The following GALNTL6 variants were observed in gnomAD, a reference collection of about 807,000 sequenced individuals.
The protein encoded by GALNTL6 is polypeptide N-acetylgalactosaminyltransferase-like 6.
GALNTL6 carries 46 observed loss-of-function variants against 73.7 expected under a neutral mutation model. The observed-to-expected ratio is 0.62, with a 90% CI of 0.49 to 0.80. The LOEUF (loss-of-function observed/expected upper bound fraction) is 0.80, where lower values mean the gene tolerates loss of function less well. GALNTL6 is among the 30% of genes least tolerant of loss of function. The pLI, the probability that GALNTL6 is intolerant of heterozygous loss-of-function variation, is 0.00. For missense variants in GALNTL6, 604 were observed against 755.0 expected (o/e 0.80, Z 2.34); for synonymous variants, 259 against 263.7 (o/e 0.98, Z 0.17).
At chr4:172,848,069 A>T (rs910036580) in intron 7 of GALNTL6, among the ~76,000 whole-genome samples, 2 of 152,032 alleles carry the variant, frequency 1.3e-5, no homozygotes, top group Admixed American at 6.6e-5. Flanking sequence ...TTAGTCCAAA[A>T]TTTTTTTTGA....
At chr4:172,798,470 A>G (rs1453656347) in intron 5 of GALNTL6, among the ~76,000 whole-genome samples, 2 of 152,116 alleles carry the variant, frequency 1.3e-5, no homozygotes, top group African/African-American at 4.8e-5. Context: ...TGGCCACGTG[A>G]TGTGTGTGCA....
At chr4:172,128,136 AC>A (rs1367275560) in intron 2 of GALNTL6, among the ~76,000 whole-genome samples, 3 of 152,142 alleles carry the variant, frequency 2.0e-5, no homozygotes, top group African/African-American at 7.2e-5. Flanking sequence ...TAAACAGTAA[AC>A]TCAGGCAAAA....
intron 5 of GALNTL6, among the ~76,000 whole-genome samples, chr4:172,391,846 C>T (rs2111304000): frequency 6.6e-6 from 1 of 152,240 alleles, no homozygotes; most frequent in Non-Finnish European, 1.5e-5. Flanking sequence ...GTAATGGTTT[C>T]AAGAATTTCA....
rs192744904 is a variant in GALNTL6 at position 172,481,768 on chromosome 4, C to T, written c.553+133079C>T. The stretch of plus-strand genomic sequence containing the variant: ...CTGATTGGTACATATATAATCTTCC[C>T]GCTAGACATAAAAGTTCTCCAAGTC... On this transcript the variant is annotated intron_variant, in intron 5 of 12. Transcript: ENST00000506823. Among the ~76,000 whole-genome samples the T allele has an allele frequency of 8.3e-4, 127 of 152,258 alleles. 2 individuals are homozygous for T. The South Asian group carries it at 0.016, about 20-fold the overall frequency.
chr4:172,211,913 T>C lies in GALNTL6; in HGVS notation c.139-17743T>C, dbSNP rs567881492. 3.9e-5 allele frequency among the ~76,000 whole-genome samples: 6 copies of C among 152,296 alleles called. No homozygotes were observed. The South Asian group carries it at 6.2e-4, about 16-fold the overall frequency. ...CTTAATCATTCCCCAAAGGCCCCAC[T>C]TCTCAATATAATCACATTGGTATTA... On this transcript the variant is annotated intron_variant, in intron 2 of 12. Transcript: ENST00000506823.
chr4:173,030,038 C>A (rs940809074), intron 12 of GALNTL6, among the ~76,000 whole-genome samples: 1 of 152,154 alleles, frequency 6.6e-6, no homozygotes, highest in African/African-American at 2.4e-5. Context: ...ATCTTCTAGA[C>A]CACCGTTCTC....
At chr4:172,566,691 A>C (rs917361535) in intron 5 of GALNTL6, among the ~76,000 whole-genome samples, 7 of 152,036 alleles carry the variant, frequency 4.6e-5, no homozygotes, top group Admixed American at 4.6e-4. Context: ...TAAAGCAGGA[A>C]TAAATAAAAT....
At chr4:172,628,311 C>T (rs561614351) in intron 5 of GALNTL6, among the ~76,000 whole-genome samples, 2 of 152,050 alleles carry the variant, frequency 1.3e-5, no homozygotes. Context: ...AAATCTTTTT[C>T]GAAATGAGAA....
intron 2 of GALNTL6, among the ~76,000 whole-genome samples, chr4:172,165,105 GTGTTTCTAAGTTTTC>G (rs1406435941): frequency 2.6e-5 from 4 of 152,046 alleles, no homozygotes; most frequent in African/African-American, 9.7e-5. Flanking sequence ...TTAATGATTT[GTGTTTCTAAGTTTTC>G]TGTAACCTTT....
chr4:172,416,779 T>C (rs1730852396), intron 5 of GALNTL6, among the ~76,000 whole-genome samples: 1 of 152,186 alleles, frequency 6.6e-6, no homozygotes, highest in South Asian at 2.1e-4. Flanking sequence ...AAATGTGGTT[T>C]AAAAAGTAGC....
chr4:171,933,554 A>T (rs1417360768), intron 2 of GALNTL6, among the ~76,000 whole-genome samples: 1 of 152,166 alleles, frequency 6.6e-6, no homozygotes, highest in African/African-American at 2.4e-5. Flanking sequence ...TTTAGGCACT[A>T]TGCTAGATAG....
At chr4:172,301,208 T>G (rs1259742980) in intron 3 of GALNTL6, among the ~76,000 whole-genome samples, 1 of 152,262 alleles carries the variant, frequency 6.6e-6, no homozygotes, top group Admixed American at 6.5e-5. Context: ...GGCATGGTTT[T>G]CAGCTCCATC....
At chr4:172,075,780 A>G (rs1731684654) in intron 2 of GALNTL6, among the ~76,000 whole-genome samples, 1 of 152,192 alleles carries the variant, frequency 6.6e-6, no homozygotes, top group South Asian at 2.1e-4. Flanking sequence ...ACAGAGAGAG[A>G]GAGAGAGAGC....
intron 2 of GALNTL6, among the ~76,000 whole-genome samples, chr4:172,001,694 C>T (rs1740680012): frequency 6.6e-6 from 1 of 152,090 alleles, no homozygotes; most frequent in African/African-American, 2.4e-5. Context: ...CCGCTCTATG[C>T]AAGCACTATA....
At chr4:172,530,904 CACAG>C (rs1579159725) in intron 5 of GALNTL6, among the ~76,000 whole-genome samples, 2 of 152,122 alleles carry the variant, frequency 1.3e-5, no homozygotes, top group African/African-American at 4.8e-5. Context: ...AAACAATGTT[CACAG>C]ACAGTCTAGA....
At chr4:172,217,753 T>A (rs1259854127) in intron 2 of GALNTL6, among the ~76,000 whole-genome samples, 2 of 152,210 alleles carry the variant, frequency 1.3e-5, no homozygotes, top group Non-Finnish European at 2.9e-5. Flanking sequence ...TTGTCCTATA[T>A]GAATATAGTT....
chr4:171,815,097 G>A (rs1204963681), intron 2 of GALNTL6: 2 of 318,974 alleles, frequency 6.3e-6, no homozygotes, highest in African/African-American at 4.2e-5. Context: ...TGGCATGCAT[G>A]TCTATGTTCA....
chr4:172,686,136 G>A (rs1732904776), intron 5 of GALNTL6, among the ~76,000 whole-genome samples: 1 of 152,078 alleles, frequency 6.6e-6, no homozygotes, highest in South Asian at 2.1e-4. Flanking sequence ...AAAGCTTAGG[G>A]GAATTCATCA....
At chr4:172,187,827 T>C (rs1339020952) in intron 2 of GALNTL6, among the ~76,000 whole-genome samples, 1 of 152,096 alleles carries the variant, frequency 6.6e-6, no homozygotes. Flanking sequence ...CTCTTCTGAG[T>C]GTTGAAGGTT....
Sources: allele counts gnomAD v4.1 joint callset (sites outside exome capture counted in the v4.1 genomes callset), GRCh38; gene constraint gnomAD v4.1.1; transcripts MANE v1.5; gene names NCBI Gene and HGNC (gene_info 2026-07-23, HGNC 2026-07-21).